SREBF2: variants seen among roughly 807,000 people sequenced by gnomAD.
SREBF2 encodes the protein sterol regulatory element binding transcription factor 2.
SREBF2 carries 55 observed loss-of-function variants against 113.1 expected under a neutral mutation model. The observed-to-expected ratio is 0.49, with a 90% CI of 0.39 to 0.61. The LOEUF is 0.61. SREBF2 is among the 20% of genes least tolerant of loss of function. The probability of loss-of-function intolerance (pLI) is 0.00; values close to 1 mark genes in which losing one functional copy is unlikely to be tolerated. For missense variants in SREBF2, 1,349 were observed against 1,487.4 expected (o/e 0.91, Z 1.53); for synonymous variants, 593 against 605.7 (o/e 0.98, Z 0.31).
chr22:41,844,231 G>A (rs1365386974), intron 1 of SREBF2, among the ~76,000 whole-genome samples: 3 of 152,034 alleles, frequency 2.0e-5, no homozygotes, highest in African/African-American at 7.2e-5. Flanking sequence ...CTATGATGTA[G>A]CTAAGGTACA....
intron 11 of SREBF2, among the ~76,000 whole-genome samples, chr22:41,888,542 A>T (rs947102838): frequency 5.9e-5 from 9 of 152,170 alleles, no homozygotes; most frequent in African/African-American, 9.7e-5. Flanking sequence ...GATGTCTGGA[A>T]GTGTTGGTCT....
intron 1 of SREBF2, among the ~76,000 whole-genome samples, chr22:41,862,032 G>T (rs2077032101): frequency 6.6e-6 from 1 of 152,174 alleles, no homozygotes; most frequent in African/African-American, 2.4e-5. Context: ...ATAGGGCTGG[G>T]TAACAAATAC....
At chr22:41,840,106 C>T (rs1445323976) in intron 1 of SREBF2, among the ~76,000 whole-genome samples, 2 of 151,772 alleles carry the variant, frequency 1.3e-5, no homozygotes, top group African/African-American at 4.8e-5. Flanking sequence ...TTATAGGCAC[C>T]CACCTCCACA....
chr22:41,857,260 G>A (rs1004312003), intron 1 of SREBF2, among the ~76,000 whole-genome samples: 2 of 152,056 alleles, frequency 1.3e-5, no homozygotes, highest in African/African-American at 2.4e-5. Context: ...AAAAGAAAGA[G>A]CAATGGAAAG....
intron 12 of SREBF2, among the ~76,000 whole-genome samples, chr22:41,893,764 G>C (rs780262365): frequency 6.6e-5 from 10 of 152,180 alleles, no homozygotes; most frequent in Non-Finnish European, 1.3e-4. Flanking sequence ...CGAGGCTTCA[G>C]GCATTGGAAG....
Position 41,884,992 on chromosome 22 carries a change from G to A in SREBF2, c.2189G>A (p.Gly730Asp). 1 of 1,614,182 alleles carries A rather than the reference G, an allele frequency of 6.2e-7. No individual in the cohort carries two copies. Among genetic ancestry groups the A allele is most frequent in the Non-Finnish European group, 8.5e-7 (1 of 1,180,028 alleles). ...AAMGLKTRCG[G>D]KLGFLASYFL... ...ATGGGGCTCAAGACCCGGTGTGGAG[G>A]CAAGCTGGGCTTCCTGGCCGTGAGT... The change falls in exon 11 of 19, where the codon GGC becomes GAC. Residue 730 changes from glycine (G) to aspartate (D), a missense_variant. Gly to Asp is a moderately conservative substitution (Grantham distance 94). Around this residue, in one of 2 missense-constraint regions of SREBF2, gnomAD observed 650 missense variants for 644.1 expected, o/e 1.01. Transcript: ENST00000361204.
At chr22:41,880,397 CAAAAA>C (rs58272168) in intron 9 of SREBF2, among the ~76,000 whole-genome samples, 6 of 87,624 alleles carry the variant, frequency 6.8e-5, no homozygotes, top group East Asian at 5.2e-4. Context: ...ACTAAAAATA[CAAAAA>C]AAAAAAAAAA....
chr22:41,905,619 ATTG>A lies in SREBF2; in HGVS notation c.3388_3390del (p.Val1130del), dbSNP rs563140923. ...CTCCTGCAACGACTGCCAGCAGATGATTGTTAAGCTGGGTGGTGGCACTGCCAT... is the reference window on the plus strand; with the variant it reads ...CTCCTGCAACGACTGCCAGCAGATGATTAAGCTGGGTGGTGGCACTGCCAT... On this transcript the variant is annotated inframe_deletion, in exon 19 of 19. Coordinates refer to ENST00000361204, the MANE Select transcript of SREBF2 (RefSeq NM_004599.4). 1.3e-6 allele frequency: 2 copies of A among 1,598,752 alleles called. No individual in the cohort carries two copies. Among genetic ancestry groups the A allele is most frequent in the Non-Finnish European group, 1.7e-6 (2 of 1,173,778 alleles).
intron 17 of SREBF2, 107 bp downstream of exon 17, chr22:41,903,262 G>T (rs1252822699): frequency 1.0e-5 from 14 of 1,373,348 alleles, no homozygotes; most frequent in Non-Finnish European, 1.1e-5. Flanking sequence ...GCCCTCTGAG[G>T]TCAGCCTGGT....
intron 11 of SREBF2, among the ~76,000 whole-genome samples, chr22:41,888,670 A>G (rs1368433998): frequency 6.6e-6 from 1 of 152,206 alleles, no homozygotes; most frequent in Admixed American, 6.5e-5. Context: ...GCCGTTATAA[A>G]CAGTGCTTTA....
At chr22:41,864,323 A>ATATTTT (rs1445932321) in intron 1 of SREBF2, among the ~76,000 whole-genome samples, 14 of 77,920 alleles carry the variant, frequency 1.8e-4, no homozygotes, top group African/African-American at 7.2e-4. Context: ...ATATATATAT[A>ATATTTT]TTTTTTTTTT....
Position 41,889,639 on chromosome 22 carries a change from C to T in SREBF2, c.2209-3478C>T, listed in dbSNP as rs572953364. On this transcript the variant is annotated intron_variant, in intron 11 of 18. Transcript: ENST00000361204. ...GTTTGAGGCTGCAGTTAGCTATGGT[C>T]ACACCTGTGAATAGAGCCACTCCAC... 1.7e-4 allele frequency among the ~76,000 whole-genome samples: 25 copies of T among 151,132 alleles called. No individual in the cohort carries two copies. The South Asian group carries it at 5.0e-3, about 30-fold the overall frequency.
At chr22:41,862,722 CCG>C (rs2077038043) in intron 1 of SREBF2, among the ~76,000 whole-genome samples, 2 of 152,172 alleles carry the variant, frequency 1.3e-5, no homozygotes, top group Admixed American at 1.3e-4. Context: ...TTTCCTGGCA[CCG>C]CAGACCAGAT....
At chr22:41,865,982 G>A (rs1392894066) in intron 1 of SREBF2, among the ~76,000 whole-genome samples, 2 of 152,172 alleles carry the variant, frequency 1.3e-5, no homozygotes, top group Admixed American at 6.6e-5. Flanking sequence ...GTGTTTCCAA[G>A]AATACCAACA....
chr22:41,833,424 G>A lies in SREBF2; in HGVS notation c.88+66G>A. ...AGGAAGGGGTTACGGCGGCGCGCCC[G>A]GGTGCGCGTGCGCCCACCCCCCGAC... On this transcript the variant is annotated intron_variant, in intron 1 of 18. Coordinates refer to ENST00000361204, the MANE Select transcript of SREBF2 (RefSeq NM_004599.4). This position sits in a 1 kb window ranked among gnomAD's most constrained non-coding sequence, Gnocchi z 4.1. 9 of 1,410,444 alleles carry A rather than the reference G, an allele frequency of 6.4e-6. No homozygotes were observed. Among genetic ancestry groups the A allele is most frequent in the Non-Finnish European group, 7.7e-6 (8 of 1,039,542 alleles). The allele number at this position is 1,410,444 out of a possible 1,614,324, so 87.4% of individuals were successfully genotyped here.
intron 7 of SREBF2, 93 bp from the exon 8 acceptor site, chr22:41,877,135 CT>C (rs2077203606): frequency 7.7e-7 from 1 of 1,305,632 alleles, no homozygotes; most frequent in African/African-American, 1.5e-5. Flanking sequence ...GAATTTAAAC[CT>C]CATAACCATT....
chr22:41,878,406 G>A (rs2077216964), intron 9 of SREBF2, among the ~76,000 whole-genome samples: 1 of 152,220 alleles, frequency 6.6e-6, no homozygotes, highest in East Asian at 1.9e-4. Flanking sequence ...AGGAAGGGCA[G>A]AGGTGGCAGA....
intron 15 of SREBF2, 106 bp downstream of exon 15, chr22:41,898,887 G>A (rs1401968813): frequency 2.0e-6 from 3 of 1,496,486 alleles, no homozygotes; most frequent in African/African-American, 1.4e-5. Context: ...GAAGGGTCAG[G>A]ACTGCATGAC....
rs956192023 is a variant in SREBF2 at position 41,900,078 on chromosome 22, C to T, written c.2739-252C>T. ...TCTTGGGTGGCTTCTTAGCAGCAGA[C>T]GTGATGGTGAAGCCTGTGTCTCTGA... On this transcript the variant is annotated intron_variant, in intron 15 of 18. Transcript: ENST00000361204. 4.3e-6 allele frequency: 6 copies of T among 1,408,700 alleles called. No homozygotes were observed. In the South Asian group the frequency reaches 4.3e-5, roughly 10 times the overall value. The allele number at this position is 1,408,700 out of a possible 1,614,324, so 87.3% of individuals were successfully genotyped here.
Sources: gnomAD v4.1 joint callset for allele counts (sites outside exome capture counted in the v4.1 genomes callset) on GRCh38, gnomAD v4.1.1 for gene constraint, gnomAD v4.1.1 regional missense constraint, Gnocchi (gnomAD v3.1) non-coding constraint, MANE v1.5 for transcripts, NCBI Gene and HGNC (gene_info 2026-07-23, HGNC 2026-07-21) for gene names.